Variants in MPPED2 observed in about 807,000 individuals in gnomAD.
MPPED2 encodes the protein metallophosphoesterase domain containing 2.
MPPED2 carries 5 observed loss-of-function variants against 33.0 expected under a neutral mutation model. That is an observed-to-expected ratio of 0.15 (90% CI 0.08 to 0.32). MPPED2 has a LOEUF of 0.32. MPPED2 is among the 10% of genes least tolerant of loss of function. MPPED2 has a pLI of 1.00. For missense variants in MPPED2, 275 were observed against 372.1 expected, an observed-to-expected ratio of 0.74 and a Z score of 2.15; for synonymous variants, 136 against 141.9, an observed-to-expected ratio of 0.96 and a Z score of 0.29.
At chr11:30,544,825 C>T (rs3781849) in intron 2 of MPPED2, among the ~76,000 whole-genome samples, 38,498 of 152,002 alleles carry the variant, frequency 0.25, 5,002 homozygotes, top group East Asian at 0.41. Flanking sequence ...GGTAGTATGT[C>T]GATTTCAAAT....
intron 2 of MPPED2, among the ~76,000 whole-genome samples, chr11:30,564,252 C>T (rs1473985522): frequency 6.6e-6 from 1 of 152,092 alleles, no homozygotes; most frequent in Non-Finnish European, 1.5e-5. Context: ...TATATCTATC[C>T]ATTCAAGCAA....
intron 4 of MPPED2, among the ~76,000 whole-genome samples, chr11:30,429,950 G>A (rs942856307): frequency 6.6e-5 from 10 of 151,938 alleles, no homozygotes; most frequent in Non-Finnish European, 1.3e-4. Context: ...TTGAATCCAC[G>A]TTGTGTTATG....
intron 4 of MPPED2, among the ~76,000 whole-genome samples, chr11:30,462,764 GA>G (rs1302082385): frequency 6.6e-6 from 1 of 152,130 alleles, no homozygotes; most frequent in African/African-American, 2.4e-5. Flanking sequence ...TTAATTGATG[GA>G]AAATGAAGTA....
intron 4 of MPPED2, among the ~76,000 whole-genome samples, chr11:30,444,287 G>A (rs1260163524): frequency 3.3e-5 from 5 of 152,118 alleles, no homozygotes; most frequent in African/African-American, 7.2e-5. Context: ...CCATGTGCTC[G>A]GGGCAGGGTT....
chr11:30,394,984 C>T (rs1947823105), intron 6 of MPPED2, among the ~76,000 whole-genome samples: 2 of 152,154 alleles, frequency 1.3e-5, no homozygotes, highest in Non-Finnish European at 2.9e-5. Flanking sequence ...TGTCTTTGCA[C>T]CTTTTTCAAA....
At chr11:30,560,310 T>C (rs536332579) in intron 2 of MPPED2, among the ~76,000 whole-genome samples, 1 of 151,052 alleles carries the variant, frequency 6.6e-6, no homozygotes, top group South Asian at 2.1e-4. Flanking sequence ...AAGTTTTTTT[T>C]TTAAAAAAAA....
At chr11:30,547,739 A>G (rs1035439103) in intron 2 of MPPED2, among the ~76,000 whole-genome samples, 1 of 152,210 alleles carries the variant, frequency 6.6e-6, no homozygotes, top group South Asian at 2.1e-4. Context: ...ATATAAATTC[A>G]TGGTTCTACA....
exon 7 of MPPED2, chr11:30,388,408 A>C (rs1947729196): frequency 6.5e-6 from 1 of 152,978 alleles, no homozygotes; most frequent in South Asian, 2.1e-4. Flanking sequence ...GAGGGCTCCA[A>C]ACATTCTGTG....
At chr11:30,540,480 G>C (rs907091882) in intron 2 of MPPED2, among the ~76,000 whole-genome samples, 16 of 152,034 alleles carry the variant, frequency 1.1e-4, no homozygotes, top group Non-Finnish European at 1.5e-5. Flanking sequence ...AAAGCATTTA[G>C]AACAGTGTCT....
In MPPED2 at chr11:30,583,134, C is replaced by CTTTTTTTTTTTTTT. The variant is rs199611856; in HGVS notation, c.-121-2654_-121-2641dup. 1.2e-3 allele frequency among the ~76,000 whole-genome samples: 119 copies of CTTTTTTTTTTTTTT among 96,664 alleles called. 7 individuals are homozygous for CTTTTTTTTTTTTTT. Among genetic ancestry groups the CTTTTTTTTTTTTTT allele is most frequent in the African/African-American group, 3.8e-3 (78 of 20,680 alleles). 63.4% of individuals were successfully genotyped at this position (96,664 alleles called of 152,430 possible). A position where few individuals can be genotyped will look rare whatever the true frequency, so the allele number is the denominator to read the frequency against. ...CACAAACACCTGGAAAAGACTTTTT[C>CTTTTTTTTTTTTTT]TTTTTTTTTTTTTTTTTTTTTTTTT... On this transcript the variant is annotated intron_variant, in intron 1 of 6. Coordinates refer to ENST00000358117, the MANE Select transcript of MPPED2 (RefSeq NM_001584.3).
At chr11:30,513,710 T>C (rs1461308681) in intron 3 of MPPED2, among the ~76,000 whole-genome samples, 1 of 152,010 alleles carries the variant, frequency 6.6e-6, no homozygotes, top group African/African-American at 2.4e-5. Flanking sequence ...GGGACACAGG[T>C]GGCTAGAAGT....
intron 4 of MPPED2, among the ~76,000 whole-genome samples, chr11:30,481,162 T>C (rs1951468085): frequency 6.6e-6 from 1 of 152,166 alleles, no homozygotes; most frequent in Non-Finnish European, 1.5e-5. Flanking sequence ...ATTTTATTAA[T>C]AGGCGACCTT....
chr11:30,541,945 A>C (rs1388449817), intron 2 of MPPED2, among the ~76,000 whole-genome samples: 1 of 152,092 alleles, frequency 6.6e-6, no homozygotes, highest in Non-Finnish European at 1.5e-5. Context: ...TTTCCTTTTC[A>C]CCCAGAAAAT....
intron 4 of MPPED2, among the ~76,000 whole-genome samples, chr11:30,439,650 A>G (rs1192767876): frequency 6.6e-6 from 1 of 152,254 alleles, no homozygotes; most frequent in African/African-American, 2.4e-5. Context: ...ACAAAAGGGC[A>G]TAGTAAGCAT....
chr11:30,486,561 T>C (rs545610), intron 4 of MPPED2, among the ~76,000 whole-genome samples: 113,121 of 152,132 alleles, frequency 0.74, 42,878 homozygotes, highest in East Asian at 0.92. Flanking sequence ...CTAAGAGTGA[T>C]TTCTAGAGCT....
chr11:30,584,153 C>T (rs1327620927), intron 1 of MPPED2: 1 of 152,146 alleles, frequency 6.6e-6, no homozygotes, highest in East Asian at 1.9e-4. Context: ...GCACTGCGGA[C>T]ACCCGGGTGA....
At chr11:30,413,437 T>A (rs1288694979) in intron 6 of MPPED2, among the ~76,000 whole-genome samples, 1 of 152,156 alleles carries the variant, frequency 6.6e-6, no homozygotes, top group African/African-American at 2.4e-5. Flanking sequence ...GGGCTTTGTG[T>A]CTGTCTCAAA....
chr11:30,485,765 T>G (rs1951718929), intron 4 of MPPED2, among the ~76,000 whole-genome samples: 2 of 152,150 alleles, frequency 1.3e-5, no homozygotes, highest in South Asian at 2.1e-4. Flanking sequence ...GGGATGTCCC[T>G]AGGCACATGG....
At chr11:30,516,452 G>A (rs1193330416) in intron 3 of MPPED2, among the ~76,000 whole-genome samples, 1 of 152,218 alleles carries the variant, frequency 6.6e-6, no homozygotes, top group East Asian at 1.9e-4. Flanking sequence ...ATTAAACTCA[G>A]AAGAGCCCAT....
Sources: allele counts gnomAD v4.1 joint callset (sites outside exome capture counted in the v4.1 genomes callset), GRCh38; gene constraint gnomAD v4.1.1; transcripts MANE v1.5; gene names NCBI Gene and HGNC (gene_info 2026-07-23, HGNC 2026-07-21).